The following HCK variants were observed in gnomAD, a reference collection of about 807,000 sequenced individuals.
The protein encoded by HCK is HCK proto-oncogene, Src family tyrosine kinase.
HCK carries 40 observed loss-of-function variants against 70.4 expected under a neutral mutation model. The observed-to-expected ratio is 0.57, with a 90% CI of 0.44 to 0.74. The LOEUF (loss-of-function observed/expected upper bound fraction) is 0.74. Ranked by LOEUF, HCK falls within the 30% of genes least tolerant of loss-of-function variation. HCK has a pLI of 0.00. For synonymous variants in HCK, 245 were observed against 263.2 expected (o/e 0.93, Z 0.67); for missense variants, 568 against 697.2 (o/e 0.81, Z 2.09).
At chr20:32,079,690 C>T in intron 5 of HCK, 84 bp from the exon 6 acceptor site, 1 of 850,944 alleles carries the variant, frequency 1.2e-6, no homozygotes, top group East Asian at 2.6e-5. Flanking sequence ...TCCCCTGGGA[C>T]CTGCATGGCC....
chr20:32,096,375 T>C (rs1181682774), intron 11 of HCK, among the ~76,000 whole-genome samples: 1 of 151,562 alleles, frequency 6.6e-6, no homozygotes, highest in Non-Finnish European at 1.5e-5. Flanking sequence ...CAGGTGCCTG[T>C]AGTCCCAGCT....
In HCK at chr20:32,055,897, T is replaced by A. The variant is rs1330922541; in HGVS notation, c.62+3411T>A. On this transcript the variant is annotated intron_variant, in intron 1 of 12. Coordinates refer to ENST00000375852, the MANE Select transcript of HCK (RefSeq NM_002110.5). ...CCTCTACGGACTAATTTATTCAGGA[T>A]ATTTAACATAAATAGAAGCATACTA... 3.3e-5 allele frequency among the ~76,000 whole-genome samples: 5 copies of A among 152,224 alleles called. No homozygotes were observed. In the South Asian group the frequency reaches 8.3e-4, roughly 25 times the overall value.
intron 10 of HCK, among the ~76,000 whole-genome samples, chr20:32,089,099 G>A (rs868678980): frequency 2.6e-5 from 4 of 152,316 alleles, no homozygotes; most frequent in Non-Finnish European, 2.9e-5. Context: ...GCTTCTTCAC[G>A]GCGCAGCAGC....
At chr20:32,054,181 G>A (rs1269020815) in intron 1 of HCK, 1 of 456,042 alleles carries the variant, frequency 2.2e-6, no homozygotes, top group Non-Finnish European at 4.4e-6. Flanking sequence ...TCCCCACCTT[G>A]TATCACTCTC....
intron 1 of HCK, among the ~76,000 whole-genome samples, chr20:32,056,224 ATC>A (rs1414926984): frequency 9.9e-5 from 15 of 152,170 alleles, no homozygotes; most frequent in African/African-American, 3.4e-4. Context: ...TAAAAGTTCT[ATC>A]TCTGTGGCCG....
chr20:32,086,303 G>A (rs144206178), intron 8 of HCK, among the ~76,000 whole-genome samples: 2 of 152,344 alleles, frequency 1.3e-5, no homozygotes, highest in East Asian at 3.9e-4. Context: ...ACAGGCGTGA[G>A]CCACTTAGAG....
intron 1 of HCK, 25 bp downstream of exon 1, chr20:32,052,511 G>A: frequency 7.9e-7 from 1 of 1,261,098 alleles, no homozygotes; most frequent in Non-Finnish European, 1.0e-6. Context: ...CAGGGGACCG[G>A]GAATACCCGG....
In HCK at chr20:32,052,805, T is replaced by TGG. The variant is rs776706589; in HGVS notation, c.62+319_62+320insGG. ...CTTGGGGGGGGGCGGGGATTTTTTT[T>TGG]TTAATTTAAAAAAGAAAAAGAAGGA... On this transcript the variant is annotated intron_variant, in intron 1 of 12. Coordinates refer to ENST00000375852, the MANE Select transcript of HCK (RefSeq NM_002110.5). Among the ~76,000 whole-genome samples the TGG allele has an allele frequency of 1.3e-3, 180 of 133,480 alleles. 8 individuals carry two copies. Among genetic ancestry groups the TGG allele is most frequent in the Non-Finnish European group, 1.3e-3 (79 of 58,894 alleles). The allele number at this position is 133,480 out of a possible 152,430, so 87.6% of individuals were successfully genotyped here. A position where few individuals can be genotyped will look rare whatever the true frequency, so the allele number is the denominator to read the frequency against.
intron 1 of HCK, among the ~76,000 whole-genome samples, chr20:32,065,929 A>G (rs2045449509): frequency 6.6e-6 from 1 of 151,982 alleles, no homozygotes; most frequent in Non-Finnish European, 1.5e-5. Flanking sequence ...CTTGGCTAGA[A>G]TGTTCACATG....
intron 10 of HCK, 24 bp downstream of exon 10, chr20:32,088,668 G>C (rs762339235): frequency 6.3e-7 from 1 of 1,597,138 alleles, no homozygotes; most frequent in Non-Finnish European, 8.6e-7. Context: ...GAGGAAACGG[G>C]GAAGGGAAAC....
At chr20:32,073,676 C>A in intron 3 of HCK, 40 bp from the exon 4 acceptor site, 1 of 1,424,748 alleles carries the variant, frequency 7.0e-7, no homozygotes, top group Non-Finnish European at 9.7e-7. Context: ...TGTGGATGCA[C>A]TTAGACGAAA....
intron 11 of HCK, among the ~76,000 whole-genome samples, chr20:32,094,787 G>GAGAAAGAA (rs71185378): frequency 5.7e-5 from 6 of 105,364 alleles, no homozygotes; most frequent in Admixed American, 2.0e-4. Context: ...GAGAGAGAAA[G>GAGAAAGAA]AGAAAGAAAG....
chr20:32,055,797 A>G (rs566428336), intron 1 of HCK, among the ~76,000 whole-genome samples: 4 of 152,356 alleles, frequency 2.6e-5, no homozygotes, highest in Non-Finnish European at 5.9e-5. Context: ...TCACCCCTGA[A>G]AAAGGAAACT....
chr20:32,075,981 T>C (rs141552134), intron 5 of HCK, among the ~76,000 whole-genome samples: 2 of 152,334 alleles, frequency 1.3e-5, no homozygotes, highest in East Asian at 3.9e-4. Context: ...GGGTTTGGGA[T>C]GCTTGCCTGT....
At chr20:32,060,006 G>A (rs910810572) in intron 1 of HCK, among the ~76,000 whole-genome samples, 1 of 152,096 alleles carries the variant, frequency 6.6e-6, no homozygotes, top group Admixed American at 6.5e-5. Flanking sequence ...CATTTGTGGA[G>A]GACAGGTTTG....
In HCK at chr20:32,078,871, AAAAAAAAAG is replaced by A. The variant is rs1192796315; in HGVS notation, c.429-902_429-894del. Among the ~76,000 whole-genome samples, 74 of 151,178 alleles carry A rather than the reference AAAAAAAAAG, an allele frequency of 4.9e-4. 1 individual carries two copies. Among genetic ancestry groups the A allele is most frequent in the African/African-American group, 1.7e-3 (68 of 41,088 alleles). On this transcript the variant is annotated intron_variant, in intron 5 of 12. Coordinates refer to ENST00000375852, the MANE Select transcript of HCK (RefSeq NM_002110.5). ...GACTCAGTCTCAAAAAAAAAAAAAA[AAAAAAAAAG>A]GGGGGGAATGATAAAGGTGACAACT...
intron 1 of HCK, among the ~76,000 whole-genome samples, chr20:32,060,193 A>G (rs963182297): frequency 2.6e-5 from 4 of 152,028 alleles, no homozygotes; most frequent in Non-Finnish European, 5.9e-5. Flanking sequence ...GTTTAAACAT[A>G]TATTTATAGC....
At chr20:32,091,455 C>T (rs2045862857) in intron 10 of HCK, among the ~76,000 whole-genome samples, 1 of 152,336 alleles carries the variant, frequency 6.6e-6, no homozygotes, top group Middle Eastern at 3.4e-3. Context: ...TCCTCCAAAG[C>T]ACATGGTAAA....
intron 1 of HCK, among the ~76,000 whole-genome samples, chr20:32,062,170 C>A (rs2045389619): frequency 6.6e-6 from 1 of 152,046 alleles, no homozygotes; most frequent in Non-Finnish European, 1.5e-5. Context: ...CAACTCCTGA[C>A]CTCAGGTGAT....
Sources: gnomAD v4.1 joint callset for allele counts (sites outside exome capture counted in the v4.1 genomes callset) on GRCh38, gnomAD v4.1.1 for gene constraint, MANE v1.5 for transcripts, NCBI Gene and HGNC (gene_info 2026-07-23, HGNC 2026-07-21) for gene names.